Variants in MAP1B observed in about 807,000 individuals in gnomAD.
MAP1B encodes the protein microtubule associated protein 1B, also known as microtubule-associated protein 1B.
MAP1B carries 12 observed loss-of-function variants against 176.1 expected under a neutral mutation model. The observed-to-expected ratio is 0.07, with a 90% CI of 0.04 to 0.11. The LOEUF is 0.11. Ranked by LOEUF, MAP1B falls within the 10% of genes least tolerant of loss-of-function variation. The pLI, the probability that MAP1B is intolerant of heterozygous loss-of-function variation, is 1.00. For missense variants in MAP1B, 2,523 were observed against 2,990.5 expected (o/e 0.84, Z 3.65); for synonymous variants, 1,044 against 1,135.0 (o/e 0.92, Z 1.61).
chr5:72,184,026 AAAG>A (rs1489130903), intron 3 of MAP1B, among the ~76,000 whole-genome samples: 2 of 152,344 alleles, frequency 1.3e-5, no homozygotes, highest in South Asian at 2.1e-4. Context: ...TGATAAGGAC[AAAG>A]AAGAAGATAG....
In MAP1B at chr5:72,198,469, C is replaced by T. The variant is rs143314718; in HGVS notation, c.5114C>T (p.Pro1705Leu). ...QDSSLSHKIPPMEEPSYTQDN... is the reference protein window; with the variant it reads ...QDSSLSHKIPLMEEPSYTQDN... Reference sequence around the variant, plus strand: ...TCCAGTTTATCACATAAGATACCACCTATGGAGGAGCCGTCCTACACCCAA... The same window carrying T: ...TCCAGTTTATCACATAAGATACCACTTATGGAGGAGCCGTCCTACACCCAA... The change falls in exon 5 of 7, where the codon CCT becomes CTT. Residue 1705 changes from proline (P) to leucine (L), a missense_variant. Transcript: ENST00000296755. The T allele has an allele frequency of 3.7e-6, 6 of 1,613,806 alleles. No homozygotes were observed. In the African/African-American group the frequency reaches 5.3e-5, roughly 14 times the overall value.
intron 2 of MAP1B, among the ~76,000 whole-genome samples, chr5:72,182,028 T>C (rs1312790643): frequency 8.6e-6 from 1 of 116,938 alleles, no homozygotes; most frequent in African/African-American, 2.8e-5. Flanking sequence ...CTGGCCTTTT[T>C]TTTTTTTTTT....
chr5:72,153,595 T>C lies in MAP1B; in HGVS notation c.287-30148T>C, dbSNP rs565689181. Among the ~76,000 whole-genome samples the C allele has an allele frequency of 1.6e-4, 24 of 152,010 alleles. No homozygotes were observed. The South Asian group carries it at 3.3e-3, about 21-fold the overall frequency. On this transcript the variant is annotated intron_variant, in intron 2 of 6. Coordinates refer to ENST00000296755, the MANE Select transcript of MAP1B (RefSeq NM_005909.5). The stretch of plus-strand genomic sequence containing the variant: ...TGGGACATCACAGAGCTGGGTGATA[T>C]GTGGCGTGTGGTGGTGGTGGTGGTG...
chr5:72,205,037 T>A (rs770682693), intron 6 of MAP1B, 47 bp from the exon 7 acceptor site: 30 of 1,532,366 alleles, frequency 2.0e-5, no homozygotes, highest in Middle Eastern at 1.7e-4. Flanking sequence ...TTCATATGGT[T>A]TCTGTTTCTG....
At chr5:72,184,306 G>A (rs1049856351) in intron 3 of MAP1B, among the ~76,000 whole-genome samples, 2 of 152,200 alleles carry the variant, frequency 1.3e-5, no homozygotes, top group Admixed American at 6.5e-5. Context: ...CAGGAGCATG[G>A]GCTGGCACCA....
At chr5:72,179,525 C>T (rs1276967983) in intron 2 of MAP1B, 9 of 691,706 alleles carry the variant, frequency 1.3e-5, no homozygotes, top group African/African-American at 1.9e-5. Flanking sequence ...GTGAGCATCC[C>T]AGCCGCCTGC....
In MAP1B at chr5:72,208,362, A is replaced by G. The variant is rs1289720464; in HGVS notation, c.*3123A>G. The G allele has an allele frequency of 6.6e-6, 1 of 152,230 alleles. No homozygotes were observed. The highest frequency in any genetic ancestry group is 2.4e-5 in the African/African-American group (1 of 41,472). 9.4% of individuals were successfully genotyped at this position (152,230 alleles called of 1,614,324 possible). A position where few individuals can be genotyped will look rare whatever the true frequency, so the allele number is the denominator to read the frequency against. The stretch of plus-strand genomic sequence containing the variant: ...TGGAAGGAATTTACACTCTGTTTAA[A>G]TGATGGGATTCTATCGAGATAGCAC... On this transcript the variant is annotated 3_prime_UTR_variant, in exon 7 of 7. Transcript: ENST00000296755.
intron 2 of MAP1B, chr5:72,179,676 C>G: frequency 2.0e-6 from 2 of 985,506 alleles, no homozygotes; most frequent in Non-Finnish European, 2.4e-6. Context: ...CAGAAAGAAT[C>G]TGGCCAACAG....
chr5:72,200,930 T>A (rs2111896689), intron 5 of MAP1B, among the ~76,000 whole-genome samples: 1 of 152,354 alleles, frequency 6.6e-6, no homozygotes, highest in African/African-American at 2.4e-5. Context: ...CATTTTCTTA[T>A]CAGCCAAAAA....
At chr5:72,177,810 A>G (rs1264076000) in intron 2 of MAP1B, among the ~76,000 whole-genome samples, 1 of 152,126 alleles carries the variant, frequency 6.6e-6, no homozygotes, top group Non-Finnish European at 1.5e-5. Context: ...TTTACTCTCA[A>G]GAGTGTTTTT....
At chr5:72,170,723 G>A (rs1746519494) in intron 2 of MAP1B, among the ~76,000 whole-genome samples, 1 of 152,168 alleles carries the variant, frequency 6.6e-6, no homozygotes, top group African/African-American at 2.4e-5. Flanking sequence ...ACTCTGGGAG[G>A]CTGAGGTGGG....
chr5:72,166,720 G>T (rs539374688), intron 2 of MAP1B, among the ~76,000 whole-genome samples: 3 of 152,232 alleles, frequency 2.0e-5, no homozygotes, highest in Admixed American at 6.5e-5. Context: ...GATGTGTAAA[G>T]GGAAATGCAA....
At chr5:72,121,093 T>C (rs1203622252) in intron 2 of MAP1B, among the ~76,000 whole-genome samples, 3 of 152,192 alleles carry the variant, frequency 2.0e-5, no homozygotes, top group Admixed American at 2.0e-4. Flanking sequence ...TGCTGGCTGG[T>C]AAAGCAGAGC....
Position 72,181,275 on chromosome 5 carries a change from T to C in MAP1B, c.287-2468T>C, listed in dbSNP as rs1468630701. ...GTGGTTGGTGGTGAGTATTTCAACA[T>C]GTTGCTGTTTCTGTAGTACTTCTGG... On this transcript the variant is annotated intron_variant, in intron 2 of 6. Transcript: ENST00000296755. Among the ~76,000 whole-genome samples, 2 of 152,108 alleles carry C rather than the reference T, an allele frequency of 1.3e-5. 1 individual carries two copies. Among genetic ancestry groups the C allele is most frequent in the African/African-American group, 4.8e-5 (2 of 41,412 alleles).
intron 2 of MAP1B, among the ~76,000 whole-genome samples, chr5:72,181,631 C>T (rs1034250507): frequency 3.3e-5 from 5 of 152,090 alleles, no homozygotes; most frequent in Non-Finnish European, 7.3e-5. Context: ...GTTCTTGGCT[C>T]ACTGCAGCCT....
chr5:72,124,863 C>T (rs1414217234), intron 2 of MAP1B, among the ~76,000 whole-genome samples: 1 of 152,178 alleles, frequency 6.6e-6, no homozygotes, highest in East Asian at 1.9e-4. Flanking sequence ...TGCACCTGGC[C>T]CCAGGAACAC....
At chr5:72,149,591 G>T (rs1245732600) in intron 2 of MAP1B, among the ~76,000 whole-genome samples, 2 of 152,196 alleles carry the variant, frequency 1.3e-5, no homozygotes, top group Non-Finnish European at 2.9e-5. Flanking sequence ...TAAACAGTTT[G>T]TTGAGCGTCT....
chr5:72,117,218 G>A (rs1489148629), intron 2 of MAP1B, among the ~76,000 whole-genome samples: 1 of 152,088 alleles, frequency 6.6e-6, no homozygotes, highest in Non-Finnish European at 1.5e-5. Flanking sequence ...ACAGTATAAG[G>A]TTGTTTCTCT....
At chr5:72,201,199 CAAAAA>C (rs754841956) in intron 5 of MAP1B, among the ~76,000 whole-genome samples, 2 of 135,396 alleles carry the variant, frequency 1.5e-5, no homozygotes. Flanking sequence ...CCTGTCTCCA[CAAAAA>C]AAAAAAAATG....
Sources: allele counts gnomAD v4.1 joint callset (sites outside exome capture counted in the v4.1 genomes callset), GRCh38; gene constraint gnomAD v4.1.1; transcripts MANE v1.5; gene names NCBI Gene and HGNC (gene_info 2026-07-23, HGNC 2026-07-21).